The following ZNF730 variants were observed in gnomAD, a reference collection of about 807,000 sequenced individuals.
The protein encoded by ZNF730 is zinc finger protein 730, also known as putative zinc finger protein 730.
ZNF730 carries 12 observed loss-of-function variants against 12.6 expected under a neutral mutation model. The ratio of observed to expected loss-of-function variants is 0.95; its 90% CI spans 0.61 to 1.54. The LOEUF is 1.54. Ranked by LOEUF, ZNF730 falls within the 40% of genes most tolerant of loss-of-function variation. The pLI is 0.00. For missense variants in ZNF730, 643 were observed against 583.5 expected (o/e 1.10, Z -1.05); for synonymous variants, 194 against 195.8 (o/e 0.99, Z 0.08).
intron 1 of ZNF730, chr19:23,128,548 A>G (rs1047016669): frequency 8.3e-6 from 2 of 241,240 alleles, no homozygotes; most frequent in South Asian, 1.5e-4. Context: ...AGCTAATCCA[A>G]ACAATTTTCA....
intron 1 of ZNF730, among the ~76,000 whole-genome samples, chr19:23,100,751 GTT>G (rs966794680): frequency 1.3e-4 from 18 of 142,744 alleles, no homozygotes; most frequent in African/African-American, 4.2e-4. Flanking sequence ...TGCCTCCTGG[GTT>G]CAAGCGATTC....
intron 1 of ZNF730, among the ~76,000 whole-genome samples, chr19:23,107,335 G>A (rs1384873766): frequency 6.8e-6 from 1 of 147,790 alleles, no homozygotes; most frequent in African/African-American, 2.5e-5. Flanking sequence ...GATTACAGGT[G>A]TGAGCCACCA....
intron 1 of ZNF730, among the ~76,000 whole-genome samples, chr19:23,120,765 C>G (rs1197744017): frequency 6.6e-6 from 1 of 151,998 alleles, no homozygotes; most frequent in African/African-American, 2.4e-5. Flanking sequence ...TTGCTTCTTT[C>G]ATTCTTTTAT....
intron 3 of ZNF730, among the ~76,000 whole-genome samples, chr19:23,139,264 C>CAAATAGGGCACCTTT (rs1970879681): frequency 6.6e-6 from 1 of 151,926 alleles, no homozygotes; most frequent in African/African-American, 2.4e-5. Flanking sequence ...CATTGTAAAG[C>CAAATAGGGCACCTTT]TATTCTTTGC....
chr19:23,123,939 T>C (rs1970630625), intron 1 of ZNF730: 1 of 152,310 alleles, frequency 6.6e-6, no homozygotes, highest in Admixed American at 6.5e-5. Flanking sequence ...GGATTCATGC[T>C]GGAAATCTAG....
intron 1 of ZNF730, among the ~76,000 whole-genome samples, chr19:23,084,113 G>T (rs1412267203): frequency 6.6e-6 from 1 of 152,102 alleles, no homozygotes; most frequent in Non-Finnish European, 1.5e-5. Flanking sequence ...GAGGGGTAGG[G>T]ATCTGGTTAT....
chr19:23,136,581 T>C (rs1263975436), intron 3 of ZNF730, among the ~76,000 whole-genome samples: 2 of 152,166 alleles, frequency 1.3e-5, no homozygotes, highest in Non-Finnish European at 2.9e-5. Context: ...ATTAAACTAT[T>C]TTTTAAGTTA....
intron 1 of ZNF730, among the ~76,000 whole-genome samples, chr19:23,132,867 A>G (rs1970762914): frequency 6.6e-6 from 1 of 152,250 alleles, no homozygotes; most frequent in Non-Finnish European, 1.5e-5. Flanking sequence ...ATTAACAATT[A>G]TAGAACATGG....
chr19:23,114,313 T>C (rs1465260224), upstream of ZNF730, among the ~76,000 whole-genome samples: 1 of 117,030 alleles, frequency 8.5e-6, no homozygotes, highest in Non-Finnish European at 1.8e-5. Flanking sequence ...TTCTTTTTTT[T>C]TTTTTTTTTT....
chr19:23,090,225 A>G (rs2145483175), intron 1 of ZNF730, among the ~76,000 whole-genome samples: 1 of 151,668 alleles, frequency 6.6e-6, no homozygotes, highest in South Asian at 2.1e-4. Flanking sequence ...TAGCCTGGCA[A>G]CAAAATGAGA....
intron 1 of ZNF730, among the ~76,000 whole-genome samples, chr19:23,094,558 C>T (rs1970219455): frequency 6.6e-6 from 1 of 152,154 alleles, no homozygotes; most frequent in African/African-American, 2.4e-5. Context: ...ACTGCAACCA[C>T]CGCTTCCTGG....
At position 23,117,037 on chromosome 19, in the gene ZNF730, C is replaced by A; in HGVS notation, c.-137C>A. 5 of 1,270,476 alleles carry A rather than the reference C, an allele frequency of 3.9e-6. No homozygotes were observed. Among genetic ancestry groups the A allele is most frequent in the Non-Finnish European group, 5.2e-6 (5 of 968,364 alleles). 78.7% of individuals were successfully genotyped at this position (1,270,476 alleles called of 1,614,324 possible). ...GGGATTTGGCGCGGCCTTTGTTTCT[C>A]GCTGCCGCCGAAGCTCCAATTTTCG... On this transcript the variant is annotated 5_prime_UTR_variant, in exon 1 of 4. Transcript: ENST00000597761.
chr19:23,131,513 T>G (rs1970742396), intron 1 of ZNF730, among the ~76,000 whole-genome samples: 1 of 152,228 alleles, frequency 6.6e-6, no homozygotes, highest in African/African-American at 2.4e-5. Flanking sequence ...CAAAAAACAT[T>G]GTTGCTTTCT....
intron 1 of ZNF730, among the ~76,000 whole-genome samples, chr19:23,080,564 G>A (rs547824531): frequency 2.6e-5 from 4 of 151,686 alleles, no homozygotes; most frequent in Admixed American, 6.6e-5. Context: ...TAGTAGAGAC[G>A]GGGTTTCAGC....
intron 1 of ZNF730, chr19:23,127,144 A>G (rs1300420999): frequency 9.7e-6 from 5 of 517,496 alleles, no homozygotes; most frequent in Non-Finnish European, 1.5e-5. Context: ...ATGATATTCT[A>G]AAAGAAATGT....
rs191375232 is a variant in ZNF730 at position 23,081,805 on chromosome 19, C to G, written c.-94+6418C>G. ...ACAGACTCTTGTTCTGTCACCCAGA[C>G]TGGAGTGCAGTGGAGCAATGATAGC... On this transcript the variant is annotated intron_variant, in intron 1 of 2. Transcript: ENST00000593635. Among the ~76,000 whole-genome samples the G allele has an allele frequency of 5.9e-5, 9 of 152,332 alleles. No individual in the cohort carries two copies. In the East Asian group the frequency reaches 1.7e-3, roughly 29 times the overall value.
At chr19:23,127,500 C>G (rs1278314146) in intron 1 of ZNF730, 4 of 992,622 alleles carry the variant, frequency 4.0e-6, no homozygotes, top group Non-Finnish European at 6.5e-6. Context: ...GCATCAAAAT[C>G]AGCTCTTGGT....
At chr19:23,094,674 A>G (rs1197095800) in intron 1 of ZNF730, among the ~76,000 whole-genome samples, 2 of 151,888 alleles carry the variant, frequency 1.3e-5, no homozygotes, top group Non-Finnish European at 2.9e-5. Flanking sequence ...GGGTTTCAAC[A>G]TGTTGACCAG....
intron 3 of ZNF730, among the ~76,000 whole-genome samples, chr19:23,140,953 A>C (rs1293735354): frequency 6.6e-6 from 1 of 151,864 alleles, no homozygotes; most frequent in African/African-American, 2.4e-5. Context: ...TTCTGTCTCA[A>C]AAAAAAACTA....
Sources: allele counts gnomAD v4.1 joint callset (sites outside exome capture counted in the v4.1 genomes callset), GRCh38; gene constraint gnomAD v4.1.1; transcripts MANE v1.5; gene names NCBI Gene and HGNC (gene_info 2026-07-23, HGNC 2026-07-21).